The following DLGAP1 variants were observed in gnomAD, a reference collection of about 807,000 sequenced individuals.
The protein encoded by DLGAP1 is disks large-associated protein 1.
DLGAP1 carries 11 observed loss-of-function variants against 90.8 expected under a neutral mutation model. That is an observed-to-expected ratio of 0.12 (90% CI 0.08 to 0.20). The LOEUF (loss-of-function observed/expected upper bound fraction) is 0.20, where lower values mean the gene tolerates loss of function less well. Among genes scored for constraint, DLGAP1 ranks in the 10% least tolerant of loss-of-function variants. The pLI is 1.00. For missense variants in DLGAP1, 1,050 were observed against 1,333.8 expected (o/e 0.79, Z 3.31); for synonymous variants, 558 against 540.7 (o/e 1.03, Z -0.44).
intron 1 of DLGAP1, among the ~76,000 whole-genome samples, chr18:4,156,341 G>T (rs927668413): frequency 6.6e-6 from 1 of 152,162 alleles, no homozygotes; most frequent in Non-Finnish European, 1.5e-5. Flanking sequence ...CACCACCACA[G>T]ATGATTATAT....
At chr18:3,772,258 C>G (rs1568107513) in intron 5 of DLGAP1, among the ~76,000 whole-genome samples, 2 of 147,920 alleles carry the variant, frequency 1.4e-5, no homozygotes, top group African/African-American at 5.0e-5. Context: ...TCCTTCCTTT[C>G]TTTCTCTCTT....
chr18:4,120,535 G>C (rs1166198794), intron 2 of DLGAP1, among the ~76,000 whole-genome samples: 1 of 152,168 alleles, frequency 6.6e-6, no homozygotes, highest in African/African-American at 2.4e-5. Context: ...ATGATAGACA[G>C]GTAAGAACGA....
intron 2 of DLGAP1, among the ~76,000 whole-genome samples, chr18:4,031,551 G>GGGAAATAAGCAACA (rs1403641027): frequency 7.2e-5 from 11 of 152,148 alleles, no homozygotes; most frequent in Non-Finnish European, 1.5e-4. Flanking sequence ...GGCAGTTGAT[G>GGGAAATAAGCAACA]GGAAATAAGC....
intron 1 of DLGAP1, among the ~76,000 whole-genome samples, chr18:4,259,183 G>A (rs1472738930): frequency 2.6e-5 from 4 of 152,292 alleles, no homozygotes; most frequent in Middle Eastern, 3.4e-3. Context: ...GAACCACTGC[G>A]ATAGGTGGTT....
At chr18:3,709,024 TTTAG>T (rs1411647614) in intron 7 of DLGAP1, among the ~76,000 whole-genome samples, 2 of 152,236 alleles carry the variant, frequency 1.3e-5, no homozygotes, top group East Asian at 3.8e-4. Flanking sequence ...AGTCTATTTG[TTTAG>T]TTAATTTATT....
intron 1 of DLGAP1, among the ~76,000 whole-genome samples, chr18:4,341,459 T>A (rs1329133990): frequency 6.6e-6 from 1 of 152,154 alleles, no homozygotes; most frequent in Non-Finnish European, 1.5e-5. Context: ...GGACATAATG[T>A]TTCAGTGGAC....
At chr18:4,396,579 T>A (rs559893810) in intron 1 of DLGAP1, among the ~76,000 whole-genome samples, 1 of 152,084 alleles carries the variant, frequency 6.6e-6, no homozygotes, top group African/African-American at 2.4e-5. Context: ...TAGTGCTGGG[T>A]ATTGGCGCTC....
rs568268679 is a variant in DLGAP1 at position 3,984,798 on chromosome 18, C to T, written c.-73+20318G>A. On this transcript the variant is annotated intron_variant, in intron 3 of 12. Transcript: ENST00000315677. ...TCACCAGCCCAGGTTCATCTTTCCCCTGTTAATCCATCTCGGTGTTTGGGT... is the reference window on the plus strand; with the variant it reads ...TCACCAGCCCAGGTTCATCTTTCCCTTGTTAATCCATCTCGGTGTTTGGGT... Among the ~76,000 whole-genome samples, 29 of 152,150 alleles carry T rather than the reference C, an allele frequency of 1.9e-4. No homozygotes were observed. The East Asian group carries it at 2.9e-3, about 15-fold the overall frequency.
intron 7 of DLGAP1, among the ~76,000 whole-genome samples, chr18:3,682,116 C>CAA (rs56914443): frequency 0.11 from 12,038 of 111,446 alleles, 814 homozygotes; most frequent in African/African-American, 0.22. Flanking sequence ...GACCCTGTCT[C>CAA]AAAAAAAAAA....
intron 1 of DLGAP1, among the ~76,000 whole-genome samples, chr18:4,367,475 T>G (rs1455791644): frequency 6.6e-6 from 1 of 152,122 alleles, no homozygotes; most frequent in Non-Finnish European, 1.5e-5. Context: ...ATCTATTTCT[T>G]TCAGTATAAA....
intron 1 of DLGAP1, among the ~76,000 whole-genome samples, chr18:4,386,179 T>C (rs937308651): frequency 6.6e-6 from 1 of 152,156 alleles, no homozygotes; most frequent in Non-Finnish European, 1.5e-5. Context: ...CTAATATAGC[T>C]AAATTTATCC....
At chr18:3,573,584 G>A (rs1351196684) in intron 8 of DLGAP1, among the ~76,000 whole-genome samples, 5 of 151,414 alleles carry the variant, frequency 3.3e-5, no homozygotes, top group Non-Finnish European at 5.9e-5. Context: ...TGAATGTTGA[G>A]AAAACCTTTC....
intron 7 of DLGAP1, among the ~76,000 whole-genome samples, chr18:3,710,161 A>G (rs1221394058): frequency 6.6e-6 from 1 of 152,220 alleles, no homozygotes; most frequent in African/African-American, 2.4e-5. Flanking sequence ...TAAATACCCA[A>G]TGGTCTTTCA....
intron 7 of DLGAP1, among the ~76,000 whole-genome samples, chr18:3,701,512 A>G (rs1054223470): frequency 2.0e-5 from 3 of 152,250 alleles, no homozygotes; most frequent in Non-Finnish European, 4.4e-5. Context: ...GATTCGACCC[A>G]TGCTTATGTG....
intron 3 of DLGAP1, among the ~76,000 whole-genome samples, chr18:3,958,568 AAG>A (rs1261484598): frequency 1.5e-3 from 228 of 151,406 alleles, no homozygotes; most frequent in African/African-American, 5.0e-3. Context: ...AAAGGCAATG[AAG>A]AGAGTTCACA....
At chr18:3,895,024 T>G (rs2071579932) in intron 3 of DLGAP1, among the ~76,000 whole-genome samples, 1 of 152,180 alleles carries the variant, frequency 6.6e-6, no homozygotes, top group Admixed American at 6.5e-5. Context: ...GTTGCCTGTC[T>G]CAGCAAAGAG....
intron 7 of DLGAP1, among the ~76,000 whole-genome samples, chr18:3,675,064 C>T (rs887937726): frequency 3.3e-5 from 5 of 152,216 alleles, no homozygotes; most frequent in South Asian, 2.1e-4. Context: ...CCAAGTACCA[C>T]GCAGTGGGTT....
At chr18:4,140,930 T>C (rs2076485377) in intron 2 of DLGAP1, among the ~76,000 whole-genome samples, 1 of 152,036 alleles carries the variant, frequency 6.6e-6, no homozygotes, top group Non-Finnish European at 1.5e-5. Flanking sequence ...TGCATGTTAT[T>C]TGTTTTTTTC....
At chr18:3,959,748 G>T (rs1395620662) in intron 3 of DLGAP1, among the ~76,000 whole-genome samples, 1 of 151,858 alleles carries the variant, frequency 6.6e-6, no homozygotes, top group East Asian at 1.9e-4. Flanking sequence ...TTACACTGAA[G>T]AAAGAAAAAA....
Sources: gnomAD v4.1 joint callset for allele counts (sites outside exome capture counted in the v4.1 genomes callset) on GRCh38, gnomAD v4.1.1 for gene constraint, MANE v1.5 for transcripts, NCBI Gene and HGNC (gene_info 2026-07-23, HGNC 2026-07-21) for gene names.